SOX5: variants seen among roughly 807,000 people sequenced by gnomAD.
The protein encoded by SOX5 is transcription factor SOX-5.
SOX5 carries 9 observed loss-of-function variants against 92.0 expected under a neutral mutation model. The ratio of observed to expected loss-of-function variants is 0.10; its 90% confidence interval spans 0.06 to 0.17. The LOEUF is 0.17. Among genes scored for constraint, SOX5 ranks in the 10% least tolerant of loss-of-function variants. The probability of loss-of-function intolerance (pLI) is 1.00; values close to 1 mark genes in which losing one functional copy is unlikely to be tolerated. For missense variants in SOX5, 642 were observed against 944.5 expected (o/e 0.68, Z 4.20); for synonymous variants, 344 against 336.3 (o/e 1.02, Z -0.25).
At chr12:24,289,510 G>A (rs1241387945) in intron 2 of SOX5, among the ~76,000 whole-genome samples, 1 of 115,854 alleles carries the variant, frequency 8.6e-6, no homozygotes, top group Non-Finnish European at 1.6e-5. Context: ...CTGGAGTGCA[G>A]TGGCGGGATC....
chr12:23,995,931 GT>G (rs1029891975), intron 4 of SOX5, among the ~76,000 whole-genome samples: 4 of 152,064 alleles, frequency 2.6e-5, no homozygotes, highest in African/African-American at 7.2e-5. Context: ...CCTTTAATCT[GT>G]CTTACCTTGG....
chr12:23,982,620 A>G (rs1277242173), intron 4 of SOX5, among the ~76,000 whole-genome samples: 2 of 152,064 alleles, frequency 1.3e-5, no homozygotes, highest in Non-Finnish European at 2.9e-5. Context: ...TATGTTACCT[A>G]CCCTAACTAA....
chr12:23,935,189 C>T (rs1569111701), intron 1 of SOX5, among the ~76,000 whole-genome samples: 2 of 151,218 alleles, frequency 1.3e-5, no homozygotes, highest in Non-Finnish European at 3.0e-5. Context: ...TTATCAGTCA[C>T]ATTATTTTAT....
At chr12:23,786,070 T>A (rs1234414575) in intron 3 of SOX5, among the ~76,000 whole-genome samples, 1 of 151,990 alleles carries the variant, frequency 6.6e-6, no homozygotes, top group Non-Finnish European at 1.5e-5. Context: ...AGTTATCAAT[T>A]CAGTGCTTTT....
At chr12:23,766,058 C>T (rs1036275163) in intron 3 of SOX5, among the ~76,000 whole-genome samples, 2 of 152,116 alleles carry the variant, frequency 1.3e-5, no homozygotes, top group African/African-American at 4.8e-5. Context: ...CTAACGATGC[C>T]TTACTTGAAT....
Position 24,473,385 on chromosome 12 carries a change from T to C in SOX5, c.-251+88944A>G, listed in dbSNP as rs111616924. On this transcript the variant is annotated intron_variant, in intron 1 of 4. Transcript: ENST00000446891. Reference sequence around the variant, plus strand: ...TTGGGAGGAGATGTGGGCAAGTGGCTCACGGGAGCGGGTGCAAGCCCACAG... The same window carrying C: ...TTGGGAGGAGATGTGGGCAAGTGGCCCACGGGAGCGGGTGCAAGCCCACAG... Among the ~76,000 whole-genome samples the C allele has an allele frequency of 4.1e-3, 618 of 152,328 alleles. 4 individuals are homozygous for C. Among genetic ancestry groups the C allele is most frequent in the Middle Eastern group, 0.017 (5 of 294 alleles).
intron 4 of SOX5, among the ~76,000 whole-genome samples, chr12:24,193,211 G>A (rs1385900692): frequency 6.6e-6 from 1 of 152,190 alleles, no homozygotes; most frequent in African/African-American, 2.4e-5. Flanking sequence ...AAGATATTAA[G>A]AGGCTGAATG....
intron 6 of SOX5, among the ~76,000 whole-genome samples, chr12:23,684,989 A>G (rs1467184410): frequency 9.9e-5 from 15 of 152,138 alleles, no homozygotes; most frequent in Admixed American, 9.8e-4. Flanking sequence ...CAAATAATTT[A>G]TGTACTTGTG....
intron 3 of SOX5, among the ~76,000 whole-genome samples, chr12:24,264,183 G>A (rs1942677086): frequency 6.6e-6 from 1 of 152,084 alleles, no homozygotes; most frequent in South Asian, 2.1e-4. Flanking sequence ...TTCCATTTCT[G>A]TCCAGTTTAG....
chr12:23,807,153 C>T (rs1376509213), intron 3 of SOX5, among the ~76,000 whole-genome samples: 1 of 152,128 alleles, frequency 6.6e-6, no homozygotes, highest in Non-Finnish European at 1.5e-5. Context: ...TAAACTCATA[C>T]CGTGATTAGA....
At chr12:23,857,734 T>C (rs1233999159) in intron 2 of SOX5, among the ~76,000 whole-genome samples, 1 of 147,682 alleles carries the variant, frequency 6.8e-6, no homozygotes, top group African/African-American at 2.5e-5. Flanking sequence ...GTTTTTTCTT[T>C]CTTTTTTTTT....
At chr12:23,637,364 A>G (rs2079398007) in intron 8 of SOX5, among the ~76,000 whole-genome samples, 2 of 152,192 alleles carry the variant, frequency 1.3e-5, no homozygotes, top group East Asian at 3.8e-4. Flanking sequence ...CAAGCCAACA[A>G]CAACAAACTC....
chr12:23,821,995 G>T (rs1325250340), intron 3 of SOX5, among the ~76,000 whole-genome samples: 1 of 151,764 alleles, frequency 6.6e-6, no homozygotes, highest in Non-Finnish European at 1.5e-5. Flanking sequence ...ATTTTTTATT[G>T]TGTCTATTTG....
intron 2 of SOX5, among the ~76,000 whole-genome samples, chr12:24,361,845 G>A (rs1255142405): frequency 6.6e-6 from 1 of 152,200 alleles, no homozygotes; most frequent in African/African-American, 2.4e-5. Context: ...TGGGATTTCA[G>A]TTCAGGCTTA....
intron 3 of SOX5, among the ~76,000 whole-genome samples, chr12:23,802,375 C>T (rs111973724): frequency 3.3e-5 from 5 of 152,186 alleles, no homozygotes; most frequent in African/African-American, 4.8e-5. Flanking sequence ...CCACTGCGCC[C>T]GGCCTTTTCT....
chr12:23,859,149 C>A (rs1429271945), intron 2 of SOX5, among the ~76,000 whole-genome samples: 1 of 152,058 alleles, frequency 6.6e-6, no homozygotes. Flanking sequence ...TTTCAGGGAA[C>A]AAGGAAAGAT....
intron 3 of SOX5, among the ~76,000 whole-genome samples, chr12:23,828,274 C>A (rs78744823): frequency 0.033 from 5,018 of 152,192 alleles, 289 homozygotes; most frequent in African/African-American, 0.11. Context: ...CACCTAAGGA[C>A]ACATTTCTCA....
intron 7 of SOX5, among the ~76,000 whole-genome samples, chr12:23,664,369 T>C (rs1334340787): frequency 6.6e-6 from 1 of 151,530 alleles, no homozygotes; most frequent in African/African-American, 2.4e-5. Flanking sequence ...AAAAACAATA[T>C]TCTGTGTAAT....
chr12:24,530,794 AC>A (rs1951129084), intron 1 of SOX5, among the ~76,000 whole-genome samples: 2 of 152,098 alleles, frequency 1.3e-5, no homozygotes, highest in Admixed American at 6.6e-5. Flanking sequence ...TTTTAATCCA[AC>A]ACTCTCTGTT....
Sources: gnomAD v4.1 joint callset for allele counts (sites outside exome capture counted in the v4.1 genomes callset) on GRCh38, gnomAD v4.1.1 for gene constraint, MANE v1.5 for transcripts, NCBI Gene and HGNC (gene_info 2026-07-23, HGNC 2026-07-21) for gene names.